LRAT: variants seen among roughly 807,000 people sequenced by gnomAD.
LRAT encodes the protein lecithin retinol acyltransferase, also known as lecithin retinol acyltransferase (phosphatidylcholine--retinol O-acyltransferase).
Under a neutral mutation model 14.2 loss-of-function variants are expected in LRAT, and 11 were observed. That is an observed-to-expected ratio of 0.78 (90% CI 0.49 to 1.29). LRAT has a LOEUF of 1.29. Among genes scored for constraint, LRAT ranks in the 50% most tolerant of loss-of-function variants. LRAT has a pLI of 0.00. For missense variants in LRAT, 274 were observed against 292.4 expected (o/e 0.94, Z 0.46); for synonymous variants, 144 against 124.8 (o/e 1.15, Z -1.03).
chr4:154,745,036 T>A (rs1056416588), intron 2 of LRAT, among the ~76,000 whole-genome samples, 170 bp downstream of exon 2: 3 of 110,052 alleles, frequency 2.7e-5, no homozygotes, highest in Admixed American at 1.0e-4. Flanking sequence ...TTTTTTTTTT[T>A]GAGACGGAGT....
Position 154,744,071 on chromosome 4 carries a change from G to T in LRAT, c.-153G>T, listed in dbSNP as rs1222175155. The T allele has an allele frequency of 3.7e-6, 2 of 547,290 alleles. No homozygotes were observed. The highest frequency in any genetic ancestry group is 3.2e-5 in the East Asian group (1 of 31,608). The allele number at this position is 547,290 out of a possible 1,614,324, so 33.9% of individuals were successfully genotyped here. ...CCTTCTCCGGCTGCTTGTAGCACTG[G>T]TCTCACTGTCCCCGCCGTCAGCCAC... On this transcript the variant is annotated 5_prime_UTR_variant, in exon 1 of 3. Coordinates refer to ENST00000336356, the MANE Select transcript of LRAT (RefSeq NM_004744.5).
Position 154,744,522 on chromosome 4 carries a change from G to T in LRAT, c.196G>T (p.Gly66Ter). The T allele has an allele frequency of 6.2e-7, 1 of 1,614,162 alleles. No homozygotes were observed. Among genetic ancestry groups the T allele is most frequent in the Non-Finnish European group, 8.5e-7 (1 of 1,180,024 alleles). Residue 66 changes from glycine to a stop codon, truncating the protein, a stop_gained, in exon 2 of 3, where the codon GGA becomes TGA. Transcript: ENST00000336356. LOFTEE classifies it high-confidence loss of function. ...THLTHYGIYL[G>*]DNRVAHMMPD... ...CCTGACCCACTATGGCATCTACCTAGGAGACAACCGTGTTGCCCACATGAT... is the reference window on the plus strand; with the variant it reads ...CCTGACCCACTATGGCATCTACCTATGAGACAACCGTGTTGCCCACATGAT...
intron 2 of LRAT, chr4:154,745,619 GGA>G (rs1732872192): frequency 6.6e-6 from 1 of 151,828 alleles, no homozygotes; most frequent in African/African-American, 2.4e-5. Flanking sequence ...TCACTTGAAA[GGA>G]AGAGGTCCAG....
rs958916074 is a variant in LRAT at position 154,749,535 on chromosome 4, G to A, written c.*399G>A. On this transcript the variant is annotated 3_prime_UTR_variant, in exon 3 of 3. Transcript: ENST00000336356. ...AGTAACTTTACTGTAAATTTACTTT[G>A]TTTCATTGAAAAAACAAATTGATAA... is the stretch of plus-strand genomic sequence containing the variant. 1 of 159,394 alleles carries A rather than the reference G, an allele frequency of 6.3e-6. No individual in the cohort carries two copies. The highest frequency in any genetic ancestry group is 2.4e-5 in the African/African-American group (1 of 41,422). The allele number at this position is 159,394 out of a possible 1,614,324, so 9.9% of individuals were successfully genotyped here.
chr4:154,748,911 T>G, intron 2 of LRAT, 73 bp from the exon 3 acceptor site: 1 of 1,401,108 alleles, frequency 7.1e-7, no homozygotes. Context: ...GGAAAACTGA[T>G]TTACTGTTTG....
chr4:154,748,010 C>G (rs1732916802), intron 2 of LRAT, among the ~76,000 whole-genome samples: 1 of 151,950 alleles, frequency 6.6e-6, no homozygotes, highest in African/African-American at 2.4e-5. Flanking sequence ...TGTAGAAAAC[C>G]CTAAAAGAAC....
In LRAT at chr4:154,750,710, C is replaced by T. The variant is rs1224199289; in HGVS notation, c.*1574C>T. 1 of 151,882 alleles carries T rather than the reference C, an allele frequency of 6.6e-6. No individual in the cohort carries two copies. Among genetic ancestry groups the T allele is most frequent in the Non-Finnish European group, 1.5e-5 (1 of 67,944 alleles). 9.4% of individuals were successfully genotyped at this position (151,882 alleles called of 1,614,324 possible). On this transcript the variant is annotated 3_prime_UTR_variant, in exon 3 of 3. Coordinates refer to ENST00000336356, the MANE Select transcript of LRAT (RefSeq NM_004744.5). ...GGCAACACCATAGAATATAGGTGTT[C>T]TCTGGACCTATTCTAACCACTTAAA...
chr4:154,744,005 CCG>C lies in LRAT; in HGVS notation c.-212_-211del. ...GCAGCGAAGCCTGCACCTCCGAGCA[CCG>C]CGCGCGGCCCTGCCCCCGGCACGGC... On this transcript the variant is annotated 5_prime_UTR_variant, in exon 1 of 3. Coordinates refer to ENST00000336356, the MANE Select transcript of LRAT (RefSeq NM_004744.5). The C allele has an allele frequency of 2.6e-6, 1 of 384,660 alleles. No individual in the cohort carries two copies. Among genetic ancestry groups the C allele is most frequent in the South Asian group, 2.9e-5 (1 of 33,910 alleles). 23.8% of individuals were successfully genotyped at this position (384,660 alleles called of 1,614,324 possible).
rs1732944033 is a variant in LRAT at position 154,749,312 on chromosome 4, T to G, written c.*176T>G. On this transcript the variant is annotated 3_prime_UTR_variant, in exon 3 of 3. Transcript: ENST00000336356. ...CTGTGTAAGCCCAAGAACAAAGGCT[T>G]TCTGAATCTTCTCAGGCAGTTCAGA... 1.5e-6 allele frequency: 1 copy of G among 668,020 alleles called. No individual in the cohort carries two copies. The highest frequency in any genetic ancestry group is 2.6e-6 in the Non-Finnish European group (1 of 386,542). The allele number at this position is 668,020 out of a possible 1,614,324, so 41.4% of individuals were successfully genotyped here.
intron 2 of LRAT, among the ~76,000 whole-genome samples, chr4:154,747,283 G>A (rs987821258): frequency 6.6e-5 from 10 of 152,096 alleles, no homozygotes; most frequent in African/African-American, 2.2e-4. Context: ...AAAATAATGG[G>A]ATTTTTATAA....
chr4:154,744,709 A>G lies in LRAT; in HGVS notation c.383A>G (p.Asp128Gly). The G allele has an allele frequency of 8.7e-6, 14 of 1,614,202 alleles. No individual in the cohort carries two copies. Among genetic ancestry groups the G allele is most frequent in the African/African-American group, 1.3e-5 (1 of 75,058 alleles). Reference protein sequence around the residue: ...YGANILVNHLDESLQKKALLN... With the variant: ...YGANILVNHLGESLQKKALLN... ...GCTAACATCCTGGTCAATCACCTGGACGAGTCCCTCCAGAAAAAGGCACTG... is the reference window on the plus strand; with the variant it reads ...GCTAACATCCTGGTCAATCACCTGGGCGAGTCCCTCCAGAAAAAGGCACTG... Residue 128 changes from aspartate (D) to glycine (G), a missense_variant, in exon 2 of 3, where the codon GAC becomes GGC. Transcript: ENST00000336356.
rs1560870609 is a variant in LRAT at position 154,744,427 on chromosome 4, A to G, written c.101A>G (p.Lys34Arg). ...LFSSGAAGED[K>R]GRNSFYETSS... Reference sequence around the variant, plus strand: ...AGTTCGGGCGCCGCGGGCGAAGACAAAGGGAGGAACAGTTTTTATGAAACC... The same window carrying G: ...AGTTCGGGCGCCGCGGGCGAAGACAGAGGGAGGAACAGTTTTTATGAAACC... Residue 34 changes from lysine (K) to arginine (R), a missense_variant, in exon 2 of 3, where the codon AAA becomes AGA. Transcript: ENST00000336356. 3.1e-6 allele frequency: 5 copies of G among 1,613,922 alleles called. No homozygotes were observed. The African/African-American group carries it at 5.3e-5, about 17-fold the overall frequency.
chr4:154,749,194 A>AT lies in LRAT; in HGVS notation c.*58_*59insT. On this transcript the variant is annotated 3_prime_UTR_variant, in exon 3 of 3. Coordinates refer to ENST00000336356, the MANE Select transcript of LRAT (RefSeq NM_004744.5). The stretch of plus-strand genomic sequence containing the variant: ...TATGTAAATATGTTTATATTTATAG[A>AT]GCATCAATCAATATAAGCATTATTG... The AT allele has an allele frequency of 6.5e-7, 1 of 1,535,772 alleles. No homozygotes were observed. Among genetic ancestry groups the AT allele is most frequent in the Non-Finnish European group, 9.0e-7 (1 of 1,109,526 alleles).
chr4:154,742,422 C>A (rs1020165093), upstream of LRAT, among the ~76,000 whole-genome samples: 2 of 152,178 alleles, frequency 1.3e-5, no homozygotes, highest in African/African-American at 4.8e-5. Context: ...AGCAAAGGCC[C>A]GGCCTCCAAG....
chr4:154,741,733 A>C (rs574328214), upstream of LRAT, among the ~76,000 whole-genome samples: 26 of 152,332 alleles, frequency 1.7e-4, no homozygotes, highest in African/African-American at 6.0e-4. Flanking sequence ...GCGGTGGGAC[A>C]AGGCTATTGA....
In LRAT at chr4:154,744,400, T is replaced by G. The variant is rs75368761; in HGVS notation, c.74T>G (p.Phe25Cys). 6.2e-7 allele frequency: 1 copy of G among 1,614,096 alleles called. No homozygotes were observed. Among genetic ancestry groups the G allele is most frequent in the Non-Finnish European group, 8.5e-7 (1 of 1,180,022 alleles). Residue 25 changes from phenylalanine to cysteine, a missense_variant, in exon 2 of 3, where the codon TTT (phenylalanine) becomes TGT (cysteine). Coordinates refer to ENST00000336356, the MANE Select transcript of LRAT (RefSeq NM_004744.5). ...CTCCTCATCTCCAACTTCACGCTCT[T>G]TAGTTCGGGCGCCGCGGGCGAAGAC... ...KLLLISNFTLFSSGAAGEDKG... is the reference protein window; with the variant it reads ...KLLLISNFTLCSSGAAGEDKG...
upstream of LRAT, among the ~76,000 whole-genome samples, chr4:154,742,864 A>C (rs1226137357): frequency 6.6e-6 from 1 of 150,504 alleles, no homozygotes; most frequent in African/African-American, 2.4e-5. Flanking sequence ...AAAACATAAA[A>C]ATAAAAATAA....
rs1165801822 is a variant in LRAT, at chr4:154,751,566, C to A, written c.*2430C>A. 1 of 152,088 alleles carries A rather than the reference C, an allele frequency of 6.6e-6. No individual in the cohort carries two copies. The highest frequency in any genetic ancestry group is 1.5e-5 in the Non-Finnish European group (1 of 68,208). 9.4% of individuals were successfully genotyped at this position (152,088 alleles called of 1,614,324 possible). A position where few individuals can be genotyped will look rare whatever the true frequency, so the allele number is the denominator to read the frequency against. On this transcript the variant is annotated 3_prime_UTR_variant, in exon 3 of 3. Coordinates refer to ENST00000336356, the MANE Select transcript of LRAT (RefSeq NM_004744.5). ...CCTGGCTAACACGGTGAAACCCCAT[C>A]TCTACTAAAAATACAAAATTAGCTG...
In LRAT at chr4:154,751,733, C is replaced by CAAAAAAAAAAAAAA. The variant is rs760244398; in HGVS notation, c.*2615_*2628dup. 8.4e-5 allele frequency: 2 copies of CAAAAAAAAAAAAAA among 23,852 alleles called. No homozygotes were observed. The highest frequency in any genetic ancestry group is 1.3e-4 in the African/African-American group (1 of 7,750). The allele number at this position is 23,852 out of a possible 1,614,324, so 1.5% of individuals were successfully genotyped here. ...TGGGCAACAAAGTGAGACTCCATCT[C>CAAAAAAAAAAAAAA]AAAAAAAAAAAAAAAAAAAAAAAAA... On this transcript the variant is annotated 3_prime_UTR_variant, in exon 3 of 3. Transcript: ENST00000336356.
Sources: allele counts gnomAD v4.1 joint callset (sites outside exome capture counted in the v4.1 genomes callset), GRCh38; gene constraint gnomAD v4.1.1; transcripts MANE v1.5; gene names NCBI Gene and HGNC (gene_info 2026-07-23, HGNC 2026-07-21).